CDH23: variants seen among roughly 807,000 people sequenced by gnomAD.
The protein encoded by CDH23 is cadherin-23.
CDH23 carries 189 observed loss-of-function variants against 317.1 expected under a neutral mutation model. The observed-to-expected ratio is 0.60, with a 90% CI of 0.53 to 0.67. The LOEUF is 0.67. Among genes scored for constraint, CDH23 ranks in the 30% least tolerant of loss-of-function variants. The pLI, the probability that CDH23 is intolerant of heterozygous loss-of-function variation, is 0.00. For synonymous variants in CDH23, 1,839 were observed against 1,876.8 expected (o/e 0.98, Z 0.52); for missense variants, 4,401 against 4,592.4 (o/e 0.96, Z 1.20).
chr10:71,529,120 A>G (rs1012708112), intron 6 of CDH23, among the ~76,000 whole-genome samples: 1 of 152,110 alleles, frequency 6.6e-6, no homozygotes, highest in Admixed American at 6.5e-5. Flanking sequence ...TCAGCTGAGC[A>G]TTTGTTAAAA....
intron 3 of CDH23, among the ~76,000 whole-genome samples, chr10:71,494,113 T>C (rs1852822782): frequency 6.6e-6 from 1 of 152,190 alleles, no homozygotes; most frequent in South Asian, 2.1e-4. Flanking sequence ...TTCCTATTAT[T>C]GTCCATGCAC....
intron 8 of CDH23, among the ~76,000 whole-genome samples, chr10:71,571,699 G>C (rs1307226873): frequency 1.3e-5 from 2 of 152,180 alleles, no homozygotes; most frequent in African/African-American, 4.8e-5. Flanking sequence ...AGAAAAATGC[G>C]CCTCCCCTAG....
Position 71,695,625 on chromosome 10 carries a change from G to A in CDH23, c.2397+100G>A, listed in dbSNP as rs909501214. 14 of 797,346 alleles carry A rather than the reference G, an allele frequency of 1.8e-5. No homozygotes were observed. In the Admixed American group the frequency reaches 2.4e-4, roughly 14 times the overall value. 49.4% of individuals were successfully genotyped at this position (797,346 alleles called of 1,614,324 possible). On this transcript the variant is annotated intron_variant, in intron 22 of 69. Coordinates refer to ENST00000224721, the MANE Select transcript of CDH23 (RefSeq NM_022124.6). ...GGGGGCCTTCCCCTATGGGGCTGGT[G>A]GACTCTGTGTCCCTCTGAGCTGGCT... is the stretch of plus-strand genomic sequence containing the variant.
rs138619811 is a variant in CDH23, at chr10:71,766,381, C to T, written c.4846-11299C>T. On this transcript the variant is annotated intron_variant, in intron 38 of 69. Transcript: ENST00000224721. ...CCCGCCCGCCACCCGCCACCTGCCA[C>T]CAGGTAAGGAGGCAGGGCCACCTAG... 7.6e-4 allele frequency among the ~76,000 whole-genome samples: 116 copies of T among 152,280 alleles called. No homozygotes were observed. In the East Asian group the frequency reaches 0.02, roughly 26 times the overall value.
intron 22 of CDH23, among the ~76,000 whole-genome samples, chr10:71,701,644 T>C (rs1193151185): frequency 6.6e-6 from 1 of 152,070 alleles, no homozygotes; most frequent in Non-Finnish European, 1.5e-5. Context: ...TCCCACCTTC[T>C]GAAACTGGGC....
At chr10:71,418,969 T>C (rs987786578) in intron 1 of CDH23, among the ~76,000 whole-genome samples, 1 of 152,238 alleles carries the variant, frequency 6.6e-6, no homozygotes, top group Admixed American at 6.5e-5. Flanking sequence ...GCATGTAGTA[T>C]GCACTCAACA....
intron 49 of CDH23, among the ~76,000 whole-genome samples, chr10:71,797,834 GA>G (rs1404182045): frequency 6.6e-6 from 1 of 152,076 alleles, no homozygotes; most frequent in Non-Finnish European, 1.5e-5. Flanking sequence ...TTGAGTGGGG[GA>G]AGTGGGGATG....
intron 11 of CDH23, among the ~76,000 whole-genome samples, chr10:71,622,147 CTTCCTTGGT>C (rs1362735740): frequency 1.3e-5 from 2 of 152,178 alleles, no homozygotes; most frequent in Admixed American, 1.3e-4. Flanking sequence ...TTTCTTGTGT[CTTCCTTGGT>C]GTTCTGGGGA....
Position 71,799,350 on chromosome 10 carries a change from C to T in CDH23, c.7224+70C>T, listed in dbSNP as rs573926776. 1.9e-5 allele frequency: 30 copies of T among 1,608,836 alleles called. No individual in the cohort carries two copies. The East Asian group carries it at 6.7e-4, about 36-fold the overall frequency. On this transcript the variant is annotated intron_variant, in intron 51 of 69. Coordinates refer to ENST00000224721, the MANE Select transcript of CDH23 (RefSeq NM_022124.6). ...CCTTGGGGTCTTTGGGCATCTTCCT[C>T]TCCCACCCTGCCAGCCTCTAAGCCC...
intron 2 of CDH23, among the ~76,000 whole-genome samples, chr10:71,440,577 C>T (rs2095987): frequency 6.6e-6 from 1 of 152,022 alleles, no homozygotes; most frequent in South Asian, 2.1e-4. Flanking sequence ...CTGAGCAAAG[C>T]TATGGCAGCC....
Position 71,694,071 on chromosome 10 carries a change from C to T in CDH23, c.2177-76C>T, listed in dbSNP as rs190953950. 4.2e-4 allele frequency: 483 copies of T among 1,142,414 alleles called. 3 individuals are homozygous for T. The East Asian group carries it at 6.8e-3, about 16-fold the overall frequency. 70.8% of individuals were successfully genotyped at this position (1,142,414 alleles called of 1,614,324 possible). On this transcript the variant is annotated intron_variant, in intron 20 of 69. Transcript: ENST00000224721. ...AAGTTCTCACCCTCTCTCCTTCCCT[C>T]GCTCTCTCTCTTCTTCCCTCCCTCT...
chr10:71,449,208 A>G (rs1160363911), intron 3 of CDH23, among the ~76,000 whole-genome samples: 2 of 152,210 alleles, frequency 1.3e-5, no homozygotes, highest in Admixed American at 1.3e-4. Flanking sequence ...AAACACACAG[A>G]TAAGCTGGGT....
intron 1 of CDH23, among the ~76,000 whole-genome samples, chr10:71,438,281 T>C (rs556023418): frequency 1.8e-4 from 25 of 139,616 alleles, no homozygotes; most frequent in African/African-American, 6.8e-4. Flanking sequence ...GAGGTGGAGG[T>C]TGCAGTGAGC....
At chr10:71,689,291 G>C (rs1294131069) in intron 19 of CDH23, among the ~76,000 whole-genome samples, 2 of 151,998 alleles carry the variant, frequency 1.3e-5, no homozygotes, top group African/African-American at 4.8e-5. Context: ...AGAACCTCTG[G>C]GTACCACTCT....
At chr10:71,500,844 T>TCTTC (rs767200488) in intron 3 of CDH23, among the ~76,000 whole-genome samples, 26 of 151,142 alleles carry the variant, frequency 1.7e-4, no homozygotes, top group Non-Finnish European at 3.7e-4. Flanking sequence ...TCTTTTCTTT[T>TCTTC]CTTCCTTTCT....
At chr10:71,740,223 T>C (rs147626492) in intron 36 of CDH23, among the ~76,000 whole-genome samples, 2 of 152,356 alleles carry the variant, frequency 1.3e-5, no homozygotes, top group African/African-American at 4.8e-5. Context: ...GCTATCATTA[T>C]TGCAGAATGG....
intron 21 of CDH23, among the ~76,000 whole-genome samples, chr10:71,694,553 T>C (rs912604798): frequency 1.3e-5 from 2 of 152,132 alleles, no homozygotes; most frequent in East Asian, 1.9e-4. Flanking sequence ...ATGAGCCCCA[T>C]AGGCCCCTCC....
chr10:71,517,921 A>G (rs528555648), intron 6 of CDH23, among the ~76,000 whole-genome samples: 1 of 152,024 alleles, frequency 6.6e-6, no homozygotes, highest in Non-Finnish European at 1.5e-5. Flanking sequence ...ACAGTGACAC[A>G]TGCCTGGAGC....
chr10:71,715,810 G>A (rs1258156900), intron 28 of CDH23: 2 of 920,086 alleles, frequency 2.2e-6, no homozygotes, highest in African/African-American at 1.7e-5. Flanking sequence ...GGAGCTTCGG[G>A]GGGTGAGTGT....
Sources: gnomAD v4.1 joint callset for allele counts (sites outside exome capture counted in the v4.1 genomes callset) on GRCh38, gnomAD v4.1.1 for gene constraint, MANE v1.5 for transcripts, NCBI Gene and HGNC (gene_info 2026-07-23, HGNC 2026-07-21) for gene names.